ANO3: variants seen among roughly 807,000 people sequenced by gnomAD.
ANO3 encodes the protein anoctamin 3, also known as anoctamin-3.
ANO3 carries 99 observed loss-of-function variants against 144.8 expected under a neutral mutation model. The ratio of observed to expected loss-of-function variants is 0.68; its 90% CI spans 0.58 to 0.81. The LOEUF (loss-of-function observed/expected upper bound fraction) is 0.81, where lower values mean the gene tolerates loss of function less well. ANO3 is among the 30% of genes least tolerant of loss of function. The pLI, the probability that ANO3 is intolerant of heterozygous loss-of-function variation, is 0.00. For missense variants in ANO3, 905 were observed against 1,202.2 expected (o/e 0.75, Z 3.66); for synonymous variants, 414 against 392.6 (o/e 1.05, Z -0.64).
At chr11:26,264,691 G>C (rs1853267977) in intron 1 of ANO3, among the ~76,000 whole-genome samples, 1 of 152,086 alleles carries the variant, frequency 6.6e-6, no homozygotes, top group Non-Finnish European at 1.5e-5. Flanking sequence ...CTCAGGGTTA[G>C]TTTCTTATGA....
intron 1 of ANO3, among the ~76,000 whole-genome samples, chr11:26,317,149 G>A (rs71480119): frequency 6.6e-6 from 1 of 152,034 alleles, no homozygotes; most frequent in Non-Finnish European, 1.5e-5. Flanking sequence ...GTCTCAGTGT[G>A]AAATAACATG....
chr11:26,300,895 C>T (rs1344898632), intron 1 of ANO3, among the ~76,000 whole-genome samples: 1 of 147,398 alleles, frequency 6.8e-6, no homozygotes, highest in East Asian at 2.0e-4. Flanking sequence ...ACTCTGTTGC[C>T]CAGGCTGAAG....
chr11:26,624,329 A>G (rs1852513147), intron 17 of ANO3, 133 bp from the exon 18 acceptor site: 2 of 603,828 alleles, frequency 3.3e-6, no homozygotes, highest in Non-Finnish European at 2.9e-6. Flanking sequence ...CTAAGTTTCA[A>G]TAAATGTTTC....
chr11:26,194,137 G>T (rs967969067), intron 1 of ANO3, among the ~76,000 whole-genome samples: 88 of 152,212 alleles, frequency 5.8e-4, no homozygotes, highest in African/African-American at 2.0e-3. Context: ...AGGAGGTGAG[G>T]TCACTTATTA....
chr11:26,488,925 A>G (rs1013866830), intron 4 of ANO3, among the ~76,000 whole-genome samples: 1 of 152,078 alleles, frequency 6.6e-6, no homozygotes, highest in Non-Finnish European at 1.5e-5. Context: ...TGATTGGTCC[A>G]CTTTATAGAG....
chr11:26,461,078 CAG>C (rs1241445618), intron 3 of ANO3, among the ~76,000 whole-genome samples: 1 of 151,238 alleles, frequency 6.6e-6, no homozygotes, highest in Non-Finnish European at 1.5e-5. Context: ...GATGGAGAGA[CAG>C]AGAGAAAGAC....
At chr11:26,618,388 T>C (rs2132988907) in intron 17 of ANO3, among the ~76,000 whole-genome samples, 1 of 152,298 alleles carries the variant, frequency 6.6e-6, no homozygotes, top group Middle Eastern at 3.4e-3. Context: ...CTCACCATCC[T>C]TGCTTCTCCT....
At chr11:26,522,982 G>A (rs1449777003) in intron 6 of ANO3, among the ~76,000 whole-genome samples, 3 of 152,084 alleles carry the variant, frequency 2.0e-5, no homozygotes, top group African/African-American at 7.2e-5. Flanking sequence ...ACTTCCATGA[G>A]ACTCGGTAAT....
chr11:26,280,222 C>G (rs1298734236), intron 1 of ANO3, among the ~76,000 whole-genome samples: 2 of 152,202 alleles, frequency 1.3e-5, no homozygotes, highest in African/African-American at 4.8e-5. Flanking sequence ...TACATCACTA[C>G]AAAGAGTTGT....
chr11:26,346,590 T>C (rs1255019575), intron 1 of ANO3, among the ~76,000 whole-genome samples: 1 of 152,206 alleles, frequency 6.6e-6, no homozygotes, highest in Non-Finnish European at 1.5e-5. Flanking sequence ...GACTTGTATG[T>C]TATGTTCATT....
intron 1 of ANO3, among the ~76,000 whole-genome samples, chr11:26,263,643 C>A (rs78633235): frequency 6.6e-6 from 1 of 152,120 alleles, no homozygotes; most frequent in African/African-American, 2.4e-5. Context: ...CTAAGGACTA[C>A]CTAAGAGGAG....
At chr11:26,636,155 G>A (rs771253237) in intron 20 of ANO3, among the ~76,000 whole-genome samples, 2 of 152,144 alleles carry the variant, frequency 1.3e-5, no homozygotes, top group Non-Finnish European at 1.5e-5. Flanking sequence ...AGCCATGATC[G>A]TACCACTGCA....
At chr11:26,250,864 A>T (rs772748091) in intron 1 of ANO3, among the ~76,000 whole-genome samples, 7 of 152,216 alleles carry the variant, frequency 4.6e-5, no homozygotes, top group Admixed American at 2.6e-4. Flanking sequence ...CATTTAGTAC[A>T]TCTACCTACT....
intron 1 of ANO3, among the ~76,000 whole-genome samples, chr11:26,326,012 C>T (rs1233414394): frequency 6.6e-6 from 1 of 152,134 alleles, no homozygotes; most frequent in Non-Finnish European, 1.5e-5. Context: ...ACTCTTTCCA[C>T]ATATCTCTGC....
At chr11:26,591,300 G>A (rs1222317253) in intron 14 of ANO3, among the ~76,000 whole-genome samples, 1 of 152,100 alleles carries the variant, frequency 6.6e-6, no homozygotes, top group Non-Finnish European at 1.5e-5. Context: ...GCGTAGTAGG[G>A]GTCGTGCAGT....
At chr11:26,563,143 G>T (rs772094328) in intron 14 of ANO3, 4 of 1,611,902 alleles carry the variant, frequency 2.5e-6, no homozygotes, top group Non-Finnish European at 2.5e-6. Flanking sequence ...TCATAAAGTC[G>T]CCGATGGGAA....
intron 1 of ANO3, among the ~76,000 whole-genome samples, chr11:26,436,054 A>G (rs371512773): frequency 2.0e-5 from 3 of 152,072 alleles, no homozygotes; most frequent in Non-Finnish European, 4.4e-5. Context: ...TCTGATTGCA[A>G]TGGTCATGTG....
chr11:26,496,566 A>G (rs1461042310), intron 4 of ANO3, among the ~76,000 whole-genome samples: 2 of 152,162 alleles, frequency 1.3e-5, no homozygotes, highest in Admixed American at 6.5e-5. Flanking sequence ...TAGGAATACA[A>G]ATGCAGATTT....
In ANO3 at chr11:26,206,753, G is replaced by A. The variant is rs887334060; in HGVS notation, c.154+17423G>A. Among the ~76,000 whole-genome samples the A allele has an allele frequency of 2.0e-5, 3 of 152,250 alleles. No individual in the cohort carries two copies. The South Asian group carries it at 6.2e-4, about 32-fold the overall frequency. On this transcript the variant is annotated intron_variant, in intron 1 of 27. Transcript: ENST00000672621. ...TGCAATAAGTGCACTGAAACATTAAGCTGGTCATTGAGCAGATGAATGAAC... is the reference window on the plus strand; with the variant it reads ...TGCAATAAGTGCACTGAAACATTAAACTGGTCATTGAGCAGATGAATGAAC...
Sources: allele counts gnomAD v4.1 joint callset (sites outside exome capture counted in the v4.1 genomes callset), GRCh38; gene constraint gnomAD v4.1.1; transcripts MANE v1.5; gene names NCBI Gene and HGNC (gene_info 2026-07-23, HGNC 2026-07-21).